ZNF701: variants seen among roughly 807,000 people sequenced by gnomAD.
ZNF701 encodes the protein zinc finger protein 701.
A neutral mutation model predicts 7.1 loss-of-function variants in ZNF701; 6 were observed. The ratio of observed to expected loss-of-function variants is 0.84; its 90% confidence interval spans 0.46 to 1.66. The LOEUF is 1.66. ZNF701 is among the 40% of genes most tolerant of loss of function. The pLI is 0.01. For missense variants in ZNF701, 541 were observed against 559.2 expected, an observed-to-expected ratio of 0.97 and a Z score of 0.33; for synonymous variants, 166 against 188.2, an observed-to-expected ratio of 0.88 and a Z score of 0.97.
rs144556038 is a variant in ZNF701 at position 52,582,594 on chromosome 19, C to G, written c.535C>G (p.Arg179Gly). The change falls in exon 4 of 4, where the codon CGA becomes GGA. Residue 179 changes from arginine (R) to glycine (G), a missense_variant. Coordinates refer to ENST00000391785, the MANE Select transcript of ZNF701 (RefSeq NM_018260.3). ...TGCTTTCTCAGTTTCAGCATCCCAA[C>G]GAATTTCCTGTAGGCCAAAAACTCG... ...NDAFSVSASQ[R>G]ISCRPKTRIS... is the part of the protein sequence containing the mutation. 11 of 1,614,004 alleles carry G rather than the reference C, an allele frequency of 6.8e-6. No individual in the cohort carries two copies. Among genetic ancestry groups the G allele is most frequent in the Admixed American group, 1.7e-5 (1 of 59,994 alleles).
chr19:52,596,689 A>G, the ZNF701 span: 1 of 480,712 alleles, frequency 2.1e-6, no homozygotes, highest in African/African-American at 2.0e-5. Flanking sequence ...CATACTGGAG[A>G]GAACCTTACA....
the ZNF701 span, chr19:52,596,325 C>A: frequency 2.5e-6 from 1 of 403,540 alleles, no homozygotes; most frequent in Non-Finnish European, 4.9e-6. Context: ...CAGAAGTCAT[C>A]CCTTCAGTGT....
intron 3 of ZNF701, among the ~76,000 whole-genome samples, chr19:52,578,485 C>T (rs924703051): frequency 5.9e-5 from 9 of 152,118 alleles, no homozygotes; most frequent in African/African-American, 1.7e-4. Flanking sequence ...CCTGTCTCCG[C>T]GTCTTGATGG....
At chr19:52,595,610 T>A in the ZNF701 span, 3 of 1,112,898 alleles carry the variant, frequency 2.7e-6, no homozygotes, top group Admixed American at 4.7e-5. Context: ...GTCTTTATAT[T>A]TTTTAGATAG....
At chr19:52,596,798 G>A in the ZNF701 span, 1 of 535,886 alleles carries the variant, frequency 1.9e-6, no homozygotes, top group Non-Finnish European at 3.8e-6. Flanking sequence ...TAATGAATGT[G>A]GCAAGGTTTT....
the ZNF701 span, among the ~76,000 whole-genome samples, chr19:52,592,933 G>A: frequency 2.6e-5 from 3 of 116,546 alleles, no homozygotes; most frequent in South Asian, 2.9e-4. Context: ...GCGGCCTTCC[G>A]CAGTGTTTGT....
At chr19:52,580,882 G>C (rs145533049) in intron 3 of ZNF701, among the ~76,000 whole-genome samples, 2 of 79,472 alleles carry the variant, frequency 2.5e-5, no homozygotes, top group African/African-American at 5.9e-5. Context: ...CCAGGACTTC[G>C]GGAGGCTGAG....
chr19:52,592,269 G>C, the ZNF701 span: 10 of 1,533,770 alleles, frequency 6.5e-6, no homozygotes, highest in Non-Finnish European at 7.1e-6. Flanking sequence ...ATCTGCCCTT[G>C]TCTATCTTGG....
chr19:52,588,579 G>A (rs2060024599), downstream of ZNF701: 2 of 400,074 alleles, frequency 5.0e-6, no homozygotes, highest in East Asian at 1.4e-4. Context: ...ACCAAGAAGG[G>A]CAAAGAAAAG....
chr19:52,594,859 T>A, the ZNF701 span, among the ~76,000 whole-genome samples: 10 of 152,320 alleles, frequency 6.6e-5, no homozygotes, highest in South Asian at 4.1e-4. Context: ...TCACTGGCAC[T>A]GTGACAGTGT....
chr19:52,595,366 T>A, the ZNF701 span, among the ~76,000 whole-genome samples: 1 of 151,802 alleles, frequency 6.6e-6, no homozygotes, highest in Admixed American at 6.6e-5. Context: ...GCCTCCAGGG[T>A]TCACGCCATT....
At chr19:52,571,111 AAAGAT>A (rs1265661538) in intron 1 of ZNF701, among the ~76,000 whole-genome samples, 1 of 151,762 alleles carries the variant, frequency 6.6e-6, no homozygotes, top group African/African-American at 2.4e-5. Flanking sequence ...GTGAAAAAAA[AAAGAT>A]AAGAAAGCAG....
Position 52,582,385 on chromosome 19 carries a change from A to C in ZNF701, c.326A>C (p.His109Pro). 6.2e-7 allele frequency: 1 copy of C among 1,613,768 alleles called. No homozygotes were observed. Residue 109 changes from histidine (H) to proline (P), a missense_variant, in exon 4 of 4, where the codon CAT (histidine) becomes CCT (proline). Physicochemically the swap from His to Pro is moderately conservative, Grantham distance 77. Transcript: ENST00000391785. ...TGGCAAGAAAATGAAACAAATGGCC[A>C]TGAAGCACTCATGACAAAAACCAAA... ...FQWQENETNG[H>P]EALMTKTKKL...
chr19:52,595,834 A>T, the ZNF701 span: 72 of 1,611,484 alleles, frequency 4.5e-5, no homozygotes, highest in Admixed American at 5.0e-5. Flanking sequence ...AAGAGTTGAC[A>T]GGTAGTACAG....
At chr19:52,576,641 G>A (rs921632970) in intron 3 of ZNF701, among the ~76,000 whole-genome samples, 1 of 152,022 alleles carries the variant, frequency 6.6e-6, no homozygotes, top group Admixed American at 6.5e-5. Flanking sequence ...AAGAGAGCTT[G>A]ATGTCCACAT....
At chr19:52,593,177 C>T in the ZNF701 span, among the ~76,000 whole-genome samples, 88 of 118,500 alleles carry the variant, frequency 7.4e-4, 24 homozygotes, top group East Asian at 5.5e-3. Context: ...CCATGTCTAC[C>T]TCTTTCTACA....
In ZNF701 at chr19:52,583,809, A is replaced by G. The variant is rs2059992382; in HGVS notation, c.*352A>G. On this transcript the variant is annotated 3_prime_UTR_variant, in exon 4 of 4. Transcript: ENST00000391785. ...ACTTGACTAATGTAATGATTGTCAC[A>G]AAGTCTTCAGTAATATTACAGCCAT... 1.7e-6 allele frequency: 1 copy of G among 592,924 alleles called. No homozygotes were observed. The highest frequency in any genetic ancestry group is 1.7e-5 in the South Asian group (1 of 57,270). 36.7% of individuals were successfully genotyped at this position (592,924 alleles called of 1,614,324 possible).
At chr19:52,580,710 T>C (rs1415333355) in intron 3 of ZNF701, among the ~76,000 whole-genome samples, 1 of 152,240 alleles carries the variant, frequency 6.6e-6, no homozygotes, top group Non-Finnish European at 1.5e-5. Context: ...TATTATTTTC[T>C]GGCTTGTTTT....
rs746557284 is a variant in ZNF701 at position 52,583,457 on chromosome 19, G to C, written c.1398G>C (p.Ter466TyrextTer112). The C allele has an allele frequency of 8.1e-6, 13 of 1,610,664 alleles. No homozygotes were observed. The East Asian group carries it at 2.9e-4, about 36-fold the overall frequency. ...GACTTCATACTGGAAAGAAATCTTA[G>C]AAGTGTAAATTTGCAAGGTTTTTAG... ...HHRLHTGKKS[*>Y] is the part of the protein sequence containing the mutation. Residue 466 changes from the stop codon to tyrosine, a stop_lost, in exon 4 of 4, where the codon TAG becomes TAC. Transcript: ENST00000391785.
Sources: gnomAD v4.1 joint callset for allele counts (sites outside exome capture counted in the v4.1 genomes callset) on GRCh38, gnomAD v4.1.1 for gene constraint, MANE v1.5 for transcripts, NCBI Gene and HGNC (gene_info 2026-07-23, HGNC 2026-07-21) for gene names.